EXOC2: variants seen among roughly 807,000 people sequenced by gnomAD.
EXOC2 encodes SEC5-like 1.
In EXOC2, 70 loss-of-function variants were observed where a neutral mutation model predicts 131.8. That is an observed-to-expected ratio of 0.53 (90% CI 0.44 to 0.65). EXOC2 has a LOEUF of 0.65. Among genes scored for constraint, EXOC2 ranks in the 30% least tolerant of loss-of-function variants. The probability of loss-of-function intolerance (pLI) is 0.00; values close to 1 mark genes in which losing one functional copy is unlikely to be tolerated. For missense variants in EXOC2, 923 were observed against 1,108.6 expected (o/e 0.83, Z 2.38); for synonymous variants, 411 against 398.4 (o/e 1.03, Z -0.38).
chr6:593,857 T>C (rs1348498986), intron 10 of EXOC2, among the ~76,000 whole-genome samples: 3 of 152,164 alleles, frequency 2.0e-5, no homozygotes, highest in Non-Finnish European at 4.4e-5. Context: ...GGTATCTCAA[T>C]CAGCAGCCAA....
At chr6:488,772 C>T (rs1451896425) in intron 27 of EXOC2, among the ~76,000 whole-genome samples, 1 of 152,148 alleles carries the variant, frequency 6.6e-6, no homozygotes, top group African/African-American at 2.4e-5. Flanking sequence ...AAGGTCTTAC[C>T]TTATTCTGTC....
At chr6:544,561 C>T (rs995347077) in intron 22 of EXOC2, among the ~76,000 whole-genome samples, 2 of 151,996 alleles carry the variant, frequency 1.3e-5, no homozygotes, top group Non-Finnish European at 1.5e-5. Flanking sequence ...TTTGTTTATA[C>T]GTATAACACA....
chr6:537,361 C>T (rs563619769), intron 22 of EXOC2, among the ~76,000 whole-genome samples: 5 of 147,092 alleles, frequency 3.4e-5, no homozygotes, highest in Non-Finnish European at 7.4e-5. Flanking sequence ...GCCGACGGAG[C>T]GCACACTCGA....
intron 1 of EXOC2, among the ~76,000 whole-genome samples, chr6:641,735 T>C (rs115364622): frequency 1.2e-3 from 188 of 152,238 alleles, no homozygotes; most frequent in African/African-American, 4.4e-3. Context: ...GAATCAAAAA[T>C]CAACTATTCC....
chr6:569,188 A>G (rs1758137207), intron 13 of EXOC2, among the ~76,000 whole-genome samples: 1 of 152,242 alleles, frequency 6.6e-6, no homozygotes, highest in African/African-American at 2.4e-5. Flanking sequence ...TGGCTGTTTT[A>G]AAGATTTTTA....
At chr6:533,067 C>A (rs185889668) in intron 22 of EXOC2, among the ~76,000 whole-genome samples, 1 of 152,172 alleles carries the variant, frequency 6.6e-6, no homozygotes, top group African/African-American at 2.4e-5. Context: ...ACCATTAGAT[C>A]CCATTAGAAC....
intron 11 of EXOC2, 75 bp from the exon 12 acceptor site, chr6:576,957 G>A: frequency 1.5e-6 from 2 of 1,375,624 alleles, no homozygotes; most frequent in Non-Finnish European, 2.0e-6. Context: ...TTAATGGTCT[G>A]CTTCTCTGAG....
chr6:574,643 G>A (rs1758479887), intron 12 of EXOC2, among the ~76,000 whole-genome samples: 1 of 152,050 alleles, frequency 6.6e-6, no homozygotes, highest in Non-Finnish European at 1.5e-5. Context: ...TTTACTTAAG[G>A]GCACACTGTA....
chr6:513,279 G>A (rs7776401), intron 23 of EXOC2, among the ~76,000 whole-genome samples: 12,900 of 152,302 alleles, frequency 0.085, 1,268 homozygotes, highest in East Asian at 0.27. Context: ...TACGTGCAGT[G>A]CGGCTGCACA....
rs1764534312 is a variant in EXOC2, at chr6:506,232, T to TA, written c.2381-6533dup. ...AATATACTGAAATAATGTCATTAGG[T>TA]ATTTGCTGAATGCTCCGCACGTGCT... On this transcript the variant is annotated intron_variant, in intron 23 of 27. Coordinates refer to ENST00000230449, the MANE Select transcript of EXOC2 (RefSeq NM_018303.6). The surrounding 1 kb of genome is among the most constrained non-coding windows in gnomAD (Gnocchi z 4.4). Among the ~76,000 whole-genome samples the TA allele has an allele frequency of 6.6e-6, 1 of 152,226 alleles. No individual in the cohort carries two copies. Among genetic ancestry groups the TA allele is most frequent in the African/African-American group, 2.4e-5 (1 of 41,448 alleles).
intron 6 of EXOC2, among the ~76,000 whole-genome samples, chr6:616,602 C>CAAAAAAAA (rs70985805): frequency 9.5e-4 from 66 of 69,458 alleles, no homozygotes; most frequent in Non-Finnish European, 1.5e-3. Flanking sequence ...AACTCCGTCT[C>CAAAAAAAA]AAAAAAAAAA....
intron 12 of EXOC2, among the ~76,000 whole-genome samples, 191 bp downstream of exon 12, chr6:576,566 A>T (rs1002677023): frequency 6.6e-6 from 1 of 152,218 alleles, no homozygotes; most frequent in South Asian, 2.1e-4. Flanking sequence ...ATCAAATAGC[A>T]TTCCTTTAAA....
chr6:633,582 G>A (rs957871326), intron 2 of EXOC2, among the ~76,000 whole-genome samples: 2 of 152,186 alleles, frequency 1.3e-5, no homozygotes, highest in Admixed American at 6.5e-5. Context: ...TTTTTCTAGT[G>A]TTCACTTATA....
intron 11 of EXOC2, among the ~76,000 whole-genome samples, chr6:586,633 C>T (rs552380362): frequency 3.9e-5 from 6 of 152,360 alleles, no homozygotes; most frequent in South Asian, 4.1e-4. Flanking sequence ...ACCAGGGGAA[C>T]GCTCACCTGC....
At chr6:515,394 G>A (rs893312837) in intron 23 of EXOC2, among the ~76,000 whole-genome samples, 1 of 152,304 alleles carries the variant, frequency 6.6e-6, no homozygotes, top group African/African-American at 2.4e-5. Context: ...TGTCCTCCCC[G>A]TCTGTCCCCT....
chr6:504,351 C>T (rs934269943), intron 23 of EXOC2, among the ~76,000 whole-genome samples: 6 of 152,276 alleles, frequency 3.9e-5, no homozygotes, highest in African/African-American at 9.6e-5. Context: ...TGAGGCCTCG[C>T]GGTGATGGCA....
chr6:566,937 T>C (rs1445885368), intron 13 of EXOC2, among the ~76,000 whole-genome samples: 1 of 152,212 alleles, frequency 6.6e-6, no homozygotes, highest in East Asian at 1.9e-4. Flanking sequence ...AGGAGCCCAC[T>C]GCGAGCAACG....
At chr6:616,937 G>A (rs1581564970) in intron 6 of EXOC2, among the ~76,000 whole-genome samples, 1 of 151,690 alleles carries the variant, frequency 6.6e-6, no homozygotes, top group Non-Finnish European at 1.5e-5. Flanking sequence ...GAGGGAGGAG[G>A]GGGACTTTTA....
chr6:677,797 T>C (rs1326519601), intron 1 of EXOC2, among the ~76,000 whole-genome samples: 1 of 152,162 alleles, frequency 6.6e-6, no homozygotes, highest in African/African-American at 2.4e-5. Flanking sequence ...GTTCTTGCCA[T>C]GCAATAACTT....
Sources: gnomAD v4.1 joint callset for allele counts (sites outside exome capture counted in the v4.1 genomes callset) on GRCh38, gnomAD v4.1.1 for gene constraint, Gnocchi (gnomAD v3.1) non-coding constraint, MANE v1.5 for transcripts, NCBI Gene and HGNC (gene_info 2026-07-23, HGNC 2026-07-21) for gene names.